GAB2: variants seen among roughly 807,000 people sequenced by gnomAD.
GAB2 encodes GRB2 associated binding protein 2, also known as GRB2-associated-binding protein 2.
GAB2 carries 26 observed loss-of-function variants against 65.5 expected under a neutral mutation model. That is an observed-to-expected ratio of 0.40 (90% CI 0.29 to 0.55). GAB2 has a LOEUF of 0.55. GAB2 is among the 20% of genes least tolerant of loss of function. The pLI, the probability that GAB2 is intolerant of heterozygous loss-of-function variation, is 0.53. For synonymous variants in GAB2, 321 were observed against 329.6 expected (o/e 0.97, Z 0.28); for missense variants, 884 against 875.8 (o/e 1.01, Z -0.12).
At chr11:78,397,167 A>G (rs1169663640) in intron 1 of GAB2, among the ~76,000 whole-genome samples, 1 of 152,218 alleles carries the variant, frequency 6.6e-6, no homozygotes, top group Non-Finnish European at 1.5e-5. Flanking sequence ...GAAAGTTCCC[A>G]AAACCTGTTG....
chr11:78,396,709 T>C (rs1190552570), intron 1 of GAB2, among the ~76,000 whole-genome samples: 1 of 152,338 alleles, frequency 6.6e-6, no homozygotes, highest in East Asian at 1.9e-4. Context: ...GCGATTCTCC[T>C]GCCTCAGCCA....
chr11:78,255,515 G>C (rs1342844533), intron 2 of GAB2, among the ~76,000 whole-genome samples: 2 of 152,168 alleles, frequency 1.3e-5, no homozygotes, highest in African/African-American at 4.8e-5. Context: ...TTTGGACCCT[G>C]ATGGCCGAGT....
At chr11:78,360,778 G>C (rs1457029452) in intron 1 of GAB2, among the ~76,000 whole-genome samples, 1 of 152,118 alleles carries the variant, frequency 6.6e-6, no homozygotes, top group Non-Finnish European at 1.5e-5. Flanking sequence ...AGAATCGCTT[G>C]AACTTAGGAG....
At chr11:78,295,713 C>T (rs1019650290) in intron 1 of GAB2, among the ~76,000 whole-genome samples, 2 of 152,064 alleles carry the variant, frequency 1.3e-5, no homozygotes, top group South Asian at 4.1e-4. Flanking sequence ...CTGCTTGCCT[C>T]GAGGAGTCAC....
chr11:78,384,351 T>C (rs1856738342), intron 1 of GAB2, among the ~76,000 whole-genome samples: 1 of 152,088 alleles, frequency 6.6e-6, no homozygotes, highest in South Asian at 2.1e-4. Context: ...CTGGGAGTGC[T>C]TGCAGGCACT....
rs762064024 is a variant in GAB2 at position 78,215,578 on chromosome 11, A to G, written c.*3694T>C. 2 of 152,484 alleles carry G rather than the reference A, an allele frequency of 1.3e-5. No homozygotes were observed. The highest frequency in any genetic ancestry group is 6.5e-5 in the Admixed American group (1 of 15,288). The allele number at this position is 152,484 out of a possible 1,614,324, so 9.4% of individuals were successfully genotyped here. On this transcript the variant is annotated 3_prime_UTR_variant, in exon 10 of 10. Coordinates refer to ENST00000361507, the MANE Select transcript of GAB2 (RefSeq NM_080491.3). ...CTCAAGACTGGGCTTCCACTAGCCC[A>G]TTTTCTCTTCCTGACAAACAGTGAC...
intron 1 of GAB2, among the ~76,000 whole-genome samples, chr11:78,396,298 G>C (rs940075044): frequency 7.9e-5 from 12 of 152,192 alleles, no homozygotes; most frequent in Admixed American, 2.6e-4. Flanking sequence ...ATTCACATCT[G>C]AATCACCAAT....
At chr11:78,362,156 G>A (rs1856442978) in intron 1 of GAB2, among the ~76,000 whole-genome samples, 1 of 151,218 alleles carries the variant, frequency 6.6e-6, no homozygotes, top group African/African-American at 2.4e-5. Context: ...GTATTTGTAT[G>A]CGTATTTATA....
intron 2 of GAB2, among the ~76,000 whole-genome samples, chr11:78,265,627 T>A (rs1865856074): frequency 6.6e-6 from 1 of 152,130 alleles, no homozygotes. Context: ...AAACTTCAGG[T>A]CTTTGGCAGG....
At chr11:78,414,603 C>T (rs1435760164) in intron 1 of GAB2, among the ~76,000 whole-genome samples, 1 of 152,160 alleles carries the variant, frequency 6.6e-6, no homozygotes. Context: ...TACACTGAGG[C>T]ACGATGGGAG....
At chr11:78,311,799 G>C (rs1591027143) in intron 1 of GAB2, among the ~76,000 whole-genome samples, 1 of 152,068 alleles carries the variant, frequency 6.6e-6, no homozygotes, top group Non-Finnish European at 1.5e-5. Flanking sequence ...GACTTGGAGC[G>C]AGGCGGTAGT....
chr11:78,405,979 C>T (rs1444716638), intron 1 of GAB2, among the ~76,000 whole-genome samples: 1 of 152,254 alleles, frequency 6.6e-6, no homozygotes, highest in African/African-American at 2.4e-5. Flanking sequence ...GTCCAACCCT[C>T]ACCCACAGCA....
chr11:78,296,530 G>A (rs1017553148), intron 1 of GAB2, among the ~76,000 whole-genome samples: 2 of 151,920 alleles, frequency 1.3e-5, no homozygotes, highest in Admixed American at 6.6e-5. Context: ...TATGCTTGGG[G>A]ATCTTTTTAA....
intron 1 of GAB2, among the ~76,000 whole-genome samples, chr11:78,355,680 TAA>T (rs67850407): frequency 5.1e-5 from 4 of 79,142 alleles, no homozygotes; most frequent in Admixed American, 1.7e-4. Flanking sequence ...CTGTCTCACT[TAA>T]AAAAAAAAAA....
chr11:78,278,376 TTTTTTTG>T (rs1039592536), intron 2 of GAB2, among the ~76,000 whole-genome samples: 12 of 150,812 alleles, frequency 8.0e-5, no homozygotes, highest in African/African-American at 2.4e-4. Context: ...AGTCTGCTTT[TTTTTTTG>T]TTTTTTGTTT....
At chr11:78,304,981 A>G (rs1007287849) in intron 1 of GAB2, among the ~76,000 whole-genome samples, 9 of 152,136 alleles carry the variant, frequency 5.9e-5, no homozygotes, top group Admixed American at 1.3e-4. Flanking sequence ...GAATGCCCAA[A>G]AGCCTTCCTT....
intron 1 of GAB2, among the ~76,000 whole-genome samples, chr11:78,289,458 T>G (rs193186199): frequency 1.1e-3 from 171 of 152,254 alleles, no homozygotes; most frequent in African/African-American, 4.0e-3. Context: ...TCATGAGAAA[T>G]CAACAAGCTC....
At chr11:78,245,427 T>C (rs1865269000) in intron 3 of GAB2, among the ~76,000 whole-genome samples, 1 of 152,208 alleles carries the variant, frequency 6.6e-6, no homozygotes, top group Non-Finnish European at 1.5e-5. Flanking sequence ...ACTAGAATGG[T>C]ATCCTTTAAA....
intron 3 of GAB2, among the ~76,000 whole-genome samples, chr11:78,228,839 C>T (rs550240230): frequency 6.5e-5 from 5 of 76,470 alleles, no homozygotes; most frequent in South Asian, 1.0e-3. Flanking sequence ...ACGGGGGTGG[C>T]GGGGGGAGCG....
Sources: gnomAD v4.1 joint callset for allele counts (sites outside exome capture counted in the v4.1 genomes callset) on GRCh38, gnomAD v4.1.1 for gene constraint, MANE v1.5 for transcripts, NCBI Gene and HGNC (gene_info 2026-07-23, HGNC 2026-07-21) for gene names.